Variants in SYBU observed in about 807,000 individuals in gnomAD.
The protein encoded by SYBU is syntabulin.
Under a neutral mutation model 35.9 loss-of-function variants are expected in SYBU, and 21 were observed. The observed-to-expected ratio is 0.58, with a 90% CI of 0.41 to 0.84. The LOEUF (loss-of-function observed/expected upper bound fraction) is 0.84, where lower values mean the gene tolerates loss of function less well. SYBU is among the 40% of genes least tolerant of loss of function. The pLI is 0.00. For synonymous variants in SYBU, 319 were observed against 324.3 expected (o/e 0.98, Z 0.18); for missense variants, 768 against 848.2 (o/e 0.91, Z 1.17).
intron 3 of SYBU, among the ~76,000 whole-genome samples, chr8:109,613,288 T>C (rs1811394771): frequency 6.6e-6 from 1 of 152,226 alleles, no homozygotes; most frequent in Admixed American, 6.5e-5. Flanking sequence ...GCATCTATTT[T>C]AAGAGCTACA....
chr8:109,684,643 C>T (rs183063477), upstream of SYBU, among the ~76,000 whole-genome samples: 32 of 152,294 alleles, frequency 2.1e-4, no homozygotes, highest in Middle Eastern at 3.4e-3. Context: ...AACTTCATGC[C>T]ACAGCTACTT....
chr8:109,610,053 C>T (rs1411027453), intron 3 of SYBU, among the ~76,000 whole-genome samples: 1 of 152,120 alleles, frequency 6.6e-6, no homozygotes, highest in Non-Finnish European at 1.5e-5. Context: ...CACTCTTCTC[C>T]TTTCCTAACT....
intron 1 of SYBU, among the ~76,000 whole-genome samples, chr8:109,650,832 G>A (rs944983827): frequency 2.0e-5 from 3 of 152,106 alleles, no homozygotes; most frequent in Non-Finnish European, 2.9e-5. Context: ...CTTAAAAAAG[G>A]ATACTAAACC....
At chr8:109,679,442 C>T (rs1355478301) in intron 1 of SYBU, among the ~76,000 whole-genome samples, 1 of 152,228 alleles carries the variant, frequency 6.6e-6, no homozygotes, top group East Asian at 1.9e-4. Context: ...CTTTCTTGTG[C>T]AAGATCCAAG....
At chr8:109,589,131 G>C (rs1823944283) in intron 3 of SYBU, among the ~76,000 whole-genome samples, 1 of 152,164 alleles carries the variant, frequency 6.6e-6, no homozygotes, top group Admixed American at 6.5e-5. Context: ...CTGCACTCCA[G>C]CCTGGGTGAC....
chr8:109,610,337 T>A (rs1811034682), intron 3 of SYBU, among the ~76,000 whole-genome samples: 1 of 152,220 alleles, frequency 6.6e-6, no homozygotes, highest in African/African-American at 2.4e-5. Flanking sequence ...GAGCAAACAC[T>A]TAATAAATAT....
rs894439349 is a variant in SYBU at position 109,669,273 on chromosome 8, C to T, written c.-129+11438G>A. 4.5e-5 allele frequency among the ~76,000 whole-genome samples: 6 copies of T among 132,072 alleles called. No individual in the cohort carries two copies. The South Asian group carries it at 7.9e-4, about 17-fold the overall frequency. 86.6% of individuals were successfully genotyped at this position (132,072 alleles called of 152,430 possible). A position where few individuals can be genotyped will look rare whatever the true frequency, so the allele number is the denominator to read the frequency against. ...AGGAGAATGGCGTGAGCCCAGGAGG[C>T]GGAGCTTGCAGTGAGCCGAGATCAC... On this transcript the variant is annotated intron_variant, in intron 1 of 5. Transcript: ENST00000408889.
intron 2 of SYBU, among the ~76,000 whole-genome samples, chr8:109,630,368 A>G (rs1813477851): frequency 6.6e-6 from 1 of 151,472 alleles, no homozygotes; most frequent in Admixed American, 6.6e-5. Flanking sequence ...GCACATGTAT[A>G]CATATGTAAC....
At chr8:109,597,521 C>T (rs1245947628) in intron 3 of SYBU, among the ~76,000 whole-genome samples, 1 of 151,698 alleles carries the variant, frequency 6.6e-6, no homozygotes, top group African/African-American at 2.4e-5. Flanking sequence ...GGTTCGAGAC[C>T]AGCCTGGGTA....
At chr8:109,683,383 G>T (rs1335570209), upstream of SYBU, among the ~76,000 whole-genome samples, 1 of 152,178 alleles carries the variant, frequency 6.6e-6, no homozygotes, top group African/African-American at 2.4e-5. Flanking sequence ...GAACTTTAAG[G>T]TTTAATGACT....
chr8:109,623,866 G>T (rs1044569967), intron 2 of SYBU, among the ~76,000 whole-genome samples: 1 of 152,066 alleles, frequency 6.6e-6, no homozygotes, highest in Non-Finnish European at 1.5e-5. Flanking sequence ...GTATAAAGAA[G>T]TAAAGAATAA....
chr8:109,622,590 A>C (rs1293843703), intron 2 of SYBU, among the ~76,000 whole-genome samples: 1 of 152,172 alleles, frequency 6.6e-6, no homozygotes. Flanking sequence ...TTGGTTGTTT[A>C]TATCTAATCT....
intron 1 of SYBU, among the ~76,000 whole-genome samples, chr8:109,676,929 T>C (rs1201117697): frequency 2.0e-5 from 3 of 152,194 alleles, no homozygotes; most frequent in African/African-American, 7.2e-5. Flanking sequence ...TTTATGTTGG[T>C]TAAGATCTTG....
intron 3 of SYBU, among the ~76,000 whole-genome samples, chr8:109,617,539 G>T (rs1811946771): frequency 6.6e-6 from 1 of 152,064 alleles, no homozygotes; most frequent in Non-Finnish European, 1.5e-5. Flanking sequence ...CTAGCCCTTG[G>T]GTACACAAGG....
intron 4 of SYBU, 80 bp downstream of exon 4, chr8:109,585,980 G>A (rs1019248107): frequency 3.3e-5 from 29 of 868,222 alleles, no homozygotes; most frequent in South Asian, 2.2e-4. Context: ...ACAGTAATCC[G>A]GGTGGTTCTA....
intron 2 of SYBU, among the ~76,000 whole-genome samples, chr8:109,624,725 T>A (rs996900851): frequency 2.6e-5 from 4 of 152,174 alleles, no homozygotes; most frequent in African/African-American, 9.7e-5. Flanking sequence ...TTAAAGCTAA[T>A]GTTCACCTTA....
intron 1 of SYBU, among the ~76,000 whole-genome samples, chr8:109,670,616 AC>A (rs1467260638): frequency 1.3e-5 from 2 of 152,152 alleles, no homozygotes; most frequent in Non-Finnish European, 2.9e-5. Flanking sequence ...TGTGAATACT[AC>A]TGAATGAAGA....
chr8:109,669,442 C>T (rs1816895674), intron 1 of SYBU, among the ~76,000 whole-genome samples: 3 of 146,156 alleles, frequency 2.1e-5, no homozygotes, highest in African/African-American at 5.0e-5. Context: ...GAATAGATTA[C>T]ATGTATGAGG....
chr8:109,607,808 TCACACACACACACACACACACACACA>T, intron 3 of SYBU: 2 of 375,454 alleles, frequency 5.3e-6, no homozygotes, highest in Non-Finnish European at 9.3e-6. Flanking sequence ...CACAACTAAC[TCACACACACACACACACACACACACA>T]CACACACACA....
Sources: gnomAD v4.1 joint callset for allele counts (sites outside exome capture counted in the v4.1 genomes callset) on GRCh38, gnomAD v4.1.1 for gene constraint, MANE v1.5 for transcripts, NCBI Gene and HGNC (gene_info 2026-07-23, HGNC 2026-07-21) for gene names.